Variants in CSMD1 observed in about 807,000 individuals in gnomAD.
CSMD1 encodes the protein CUB and sushi domain-containing protein 1.
In CSMD1, 213 loss-of-function variants were observed where a neutral mutation model predicts 417.5. That is an observed-to-expected ratio of 0.51 (90% confidence interval 0.46 to 0.57). The LOEUF (loss-of-function observed/expected upper bound fraction) is 0.57, where lower values mean the gene tolerates loss of function less well. Among genes scored for constraint, CSMD1 ranks in the 20% least tolerant of loss-of-function variants. CSMD1 has a pLI of 0.00. For synonymous variants in CSMD1, 2,862 were observed against 1,736.8 expected (o/e 1.65, Z -16.11); for missense variants, 6,923 against 4,529.7 (o/e 1.53, Z -15.17).
chr8:4,980,728 C>A (rs1247505348), intron 1 of CSMD1, among the ~76,000 whole-genome samples: 1 of 152,012 alleles, frequency 6.6e-6, no homozygotes, highest in Non-Finnish European at 1.5e-5. Context: ...CAGGACAAGA[C>A]CCTGTCTCTG....
At chr8:4,546,774 G>T (rs1298355852) in intron 2 of CSMD1, among the ~76,000 whole-genome samples, 1 of 151,624 alleles carries the variant, frequency 6.6e-6, no homozygotes, top group Middle Eastern at 3.2e-3. Context: ...AATTATACAT[G>T]CTACATATAA....
At chr8:3,774,334 G>A (rs968045417) in intron 5 of CSMD1, among the ~76,000 whole-genome samples, 1 of 152,118 alleles carries the variant, frequency 6.6e-6, no homozygotes, top group African/African-American at 2.4e-5. Context: ...CACAGTGCCT[G>A]AGGTGTTATC....
chr8:4,497,497 A>G (rs917488337), intron 2 of CSMD1, among the ~76,000 whole-genome samples: 2 of 152,180 alleles, frequency 1.3e-5, no homozygotes, highest in Non-Finnish European at 2.9e-5. Flanking sequence ...ATCTCTCTTT[A>G]GTCTCCTTTC....
intron 1 of CSMD1, among the ~76,000 whole-genome samples, chr8:4,723,787 T>TAAAAAAAAAA (rs57096241): frequency 2.4e-4 from 31 of 131,456 alleles, no homozygotes; most frequent in African/African-American, 7.4e-4. Flanking sequence ...CTTTCGAATG[T>TAAAAAAAAAA]AAAAAAAAAA....
intron 7 of CSMD1, among the ~76,000 whole-genome samples, chr8:3,659,314 T>C (rs10503214): frequency 0.37 from 56,733 of 152,044 alleles, 11,411 homozygotes; most frequent in Middle Eastern, 0.52. Context: ...TGTGTAGTTA[T>C]TGTTACAAAG....
chr8:3,962,382 G>T (rs540804907), intron 5 of CSMD1, among the ~76,000 whole-genome samples: 1 of 152,170 alleles, frequency 6.6e-6, no homozygotes, highest in Non-Finnish European at 1.5e-5. Flanking sequence ...GGCAGCACGG[G>T]CGTTGTCACC....
chr8:4,595,354 G>C (rs1418415313), intron 2 of CSMD1, among the ~76,000 whole-genome samples: 1 of 151,358 alleles, frequency 6.6e-6, no homozygotes, highest in Non-Finnish European at 1.5e-5. Flanking sequence ...CAATTTATCT[G>C]TTTATTCATT....
intron 42 of CSMD1, among the ~76,000 whole-genome samples, chr8:3,115,584 C>G (rs539596909): frequency 3.9e-5 from 6 of 152,226 alleles, no homozygotes; most frequent in African/African-American, 1.4e-4. Context: ...TCTTCAATTT[C>G]TCAGATAACT....
chr8:4,217,037 T>C (rs1800722691), intron 3 of CSMD1, among the ~76,000 whole-genome samples: 1 of 152,220 alleles, frequency 6.6e-6, no homozygotes, highest in Non-Finnish European at 1.5e-5. Flanking sequence ...AAGTCTTTGA[T>C]GCTAATGCAT....
At chr8:3,919,800 T>C (rs977047822) in intron 5 of CSMD1, among the ~76,000 whole-genome samples, 2 of 152,148 alleles carry the variant, frequency 1.3e-5, no homozygotes, top group African/African-American at 4.8e-5. Context: ...GTGTTTTCAA[T>C]TTTCTTCATA....
chr8:3,468,915 C>G, intron 11 of CSMD1, 91 bp from the exon 12 acceptor site: 1 of 755,856 alleles, frequency 1.3e-6, no homozygotes, highest in Non-Finnish European at 2.2e-6. Flanking sequence ...TTTAAACAGC[C>G]AAACCCTAGA....
chr8:4,908,484 T>C (rs1461786700), intron 1 of CSMD1, among the ~76,000 whole-genome samples: 1 of 152,198 alleles, frequency 6.6e-6, no homozygotes, highest in Non-Finnish European at 1.5e-5. Flanking sequence ...CAATGAATTT[T>C]ACGGTGTACC....
At chr8:4,047,263 G>A (rs182824168) in intron 3 of CSMD1, among the ~76,000 whole-genome samples, 14 of 152,244 alleles carry the variant, frequency 9.2e-5, no homozygotes, top group Admixed American at 4.6e-4. Flanking sequence ...GTAGGCACAT[G>A]TATTCTGGAG....
At chr8:2,955,523 T>C (rs1802935442) in intron 64 of CSMD1, 66 bp downstream of exon 64, 1 of 1,529,342 alleles carries the variant, frequency 6.5e-7, no homozygotes, top group Non-Finnish European at 9.0e-7. Flanking sequence ...GACACTAGCC[T>C]GATGGGCAGC....
intron 12 of CSMD1, among the ~76,000 whole-genome samples, chr8:3,441,448 A>T (rs755003701): frequency 2.0e-5 from 3 of 151,640 alleles, no homozygotes; most frequent in Non-Finnish European, 4.4e-5. Context: ...ACAGTCTTTC[A>T]TTCCTACAAG....
chr8:4,664,595 T>A (rs570664110), intron 1 of CSMD1, among the ~76,000 whole-genome samples: 1 of 152,202 alleles, frequency 6.6e-6, no homozygotes, highest in South Asian at 2.1e-4. Context: ...CAAAAATAAA[T>A]ACATTTTTAA....
chr8:4,044,036 C>A (rs11342031), intron 3 of CSMD1, among the ~76,000 whole-genome samples: 17 of 80,078 alleles, frequency 2.1e-4, no homozygotes, highest in East Asian at 6.0e-4. Flanking sequence ...TAAAAAAAAA[C>A]GCTGAATAAT....
At chr8:4,764,511 T>A (rs1474804396) in intron 1 of CSMD1, among the ~76,000 whole-genome samples, 1 of 152,254 alleles carries the variant, frequency 6.6e-6, no homozygotes, top group East Asian at 1.9e-4. Flanking sequence ...TTCCAAGGAA[T>A]GGAATTCTTC....
chr8:4,175,842 G>T (rs780815698), intron 3 of CSMD1, among the ~76,000 whole-genome samples: 6 of 152,128 alleles, frequency 3.9e-5, no homozygotes, highest in Non-Finnish European at 7.4e-5. Flanking sequence ...AAAGTAACTG[G>T]AAAGAAATAA....
Sources: allele counts gnomAD v4.1 joint callset (sites outside exome capture counted in the v4.1 genomes callset), GRCh38; gene constraint gnomAD v4.1.1; transcripts MANE v1.5; gene names NCBI Gene and HGNC (gene_info 2026-07-23, HGNC 2026-07-21).